The following PDS5A variants were observed in gnomAD, a reference collection of about 807,000 sequenced individuals.
The protein encoded by PDS5A is sister chromatid cohesion protein PDS5 homolog A.
PDS5A carries 42 observed loss-of-function variants against 167.1 expected under a neutral mutation model. The observed-to-expected ratio is 0.25, with a 90% CI of 0.20 to 0.33. The LOEUF (loss-of-function observed/expected upper bound fraction) is 0.33, where lower values mean the gene tolerates loss of function less well. Ranked by LOEUF, PDS5A falls within the 10% of genes least tolerant of loss-of-function variation. The pLI is 1.00. For synonymous variants in PDS5A, 553 were observed against 554.6 expected, an observed-to-expected ratio of 1.00 and a Z score of 0.04; for missense variants, 1,033 against 1,605.9, an observed-to-expected ratio of 0.64 and a Z score of 6.10.
At chr4:39,967,338 T>C (rs1730070579) in intron 2 of PDS5A, among the ~76,000 whole-genome samples, 1 of 151,090 alleles carries the variant, frequency 6.6e-6, no homozygotes, top group African/African-American at 2.4e-5. Context: ...TTTCACTCTA[T>C]CCATCCCTCC....
rs1291861212 is a variant in PDS5A, at chr4:39,926,757, A to T, written c.429+18T>A. 7.7e-7 allele frequency: 1 copy of T among 1,291,094 alleles called. No homozygotes were observed. The highest frequency in any genetic ancestry group is 1.0e-6 in the Non-Finnish European group (1 of 970,468). 80.0% of individuals were successfully genotyped at this position (1,291,094 alleles called of 1,614,324 possible). A position where few individuals can be genotyped will look rare whatever the true frequency, so the allele number is the denominator to read the frequency against. On this transcript the variant is annotated intron_variant, in intron 4 of 32. Transcript: ENST00000303538. ...TGTGAAATAATGTTAATAGTTATTA[A>T]AGTTTTTTTTTTTTTACCTCTAATA...
intron 2 of PDS5A, among the ~76,000 whole-genome samples, chr4:39,953,207 A>G (rs902255515): frequency 1.3e-5 from 2 of 152,206 alleles, no homozygotes; most frequent in African/African-American, 4.8e-5. Context: ...CAACCGCTCC[A>G]CTACAGTGAA....
intron 2 of PDS5A, among the ~76,000 whole-genome samples, chr4:39,964,441 T>C (rs1353053032): frequency 1.3e-5 from 2 of 152,206 alleles, no homozygotes; most frequent in African/African-American, 4.8e-5. Context: ...CAGAGGCTTA[T>C]GCCTATAATC....
chr4:39,875,140 T>G (rs932356262), intron 19 of PDS5A, among the ~76,000 whole-genome samples: 13 of 152,090 alleles, frequency 8.5e-5, no homozygotes, highest in Non-Finnish European at 1.8e-4. Context: ...ACACTGACAA[T>G]GAAGAGTAAA....
chr4:39,890,020 C>T (rs923103834), intron 17 of PDS5A, among the ~76,000 whole-genome samples: 7 of 152,126 alleles, frequency 4.6e-5, no homozygotes, highest in Admixed American at 2.0e-4. Flanking sequence ...AATGAGAACG[C>T]ATAAGCTAAA....
intron 16 of PDS5A, among the ~76,000 whole-genome samples, chr4:39,897,447 G>C (rs1042143991): frequency 6.6e-6 from 1 of 152,066 alleles, no homozygotes; most frequent in African/African-American, 2.4e-5. Context: ...CACTCAGGCT[G>C]GTGTGCAGTG....
chr4:39,931,533 C>T (rs865826328), intron 2 of PDS5A, among the ~76,000 whole-genome samples: 9 of 152,098 alleles, frequency 5.9e-5, no homozygotes, highest in Admixed American at 2.6e-4. Context: ...CTCATTCTTA[C>T]GGTTCTAAGT....
chr4:39,905,423 T>C (rs1456486456), intron 11 of PDS5A, among the ~76,000 whole-genome samples: 1 of 152,126 alleles, frequency 6.6e-6, no homozygotes, highest in Non-Finnish European at 1.5e-5. Flanking sequence ...CCGGGCATGG[T>C]GGCACGCACC....
intron 2 of PDS5A, chr4:39,936,863 AAAAG>A (rs1726667595): frequency 6.6e-6 from 1 of 152,260 alleles, no homozygotes; most frequent in Non-Finnish European, 1.5e-5. Context: ...GCTAGAAGGA[AAAAG>A]AAAGAAACAG....
At chr4:39,829,641 C>T (rs1715635074) in intron 32 of PDS5A, among the ~76,000 whole-genome samples, 1 of 142,134 alleles carries the variant, frequency 7.0e-6, no homozygotes. Flanking sequence ...AGTGAGACTT[C>T]ATCTCCACAA....
chr4:39,969,413 T>A (rs943229127), intron 2 of PDS5A, among the ~76,000 whole-genome samples: 1 of 152,090 alleles, frequency 6.6e-6, no homozygotes, highest in Non-Finnish European at 1.5e-5. Flanking sequence ...CACGCCCTAA[T>A]CCCAGCACTT....
chr4:39,888,860 A>T (rs1325147739), intron 17 of PDS5A, among the ~76,000 whole-genome samples: 1 of 152,224 alleles, frequency 6.6e-6, no homozygotes, highest in Non-Finnish European at 1.5e-5. Context: ...AGAGATCGGT[A>T]GAGTGACTAC....
chr4:39,839,877 C>T (rs772583373), intron 31 of PDS5A, among the ~76,000 whole-genome samples: 3 of 151,582 alleles, frequency 2.0e-5, no homozygotes, highest in Non-Finnish European at 2.9e-5. Context: ...GGGCGAATCA[C>T]GAGGTCAGGA....
chr4:39,945,458 CAAAAAA>C (rs1210256217), intron 2 of PDS5A, among the ~76,000 whole-genome samples: 7 of 66,838 alleles, frequency 1.0e-4, no homozygotes, highest in Non-Finnish European at 1.8e-4. Context: ...GAGACTGCCT[CAAAAAA>C]AAAAAAAAAA....
chr4:39,832,274 T>A (rs1370098338), intron 32 of PDS5A, among the ~76,000 whole-genome samples: 1 of 151,684 alleles, frequency 6.6e-6, no homozygotes, highest in East Asian at 2.0e-4. Flanking sequence ...AGTGCAGTGG[T>A]GTGATCTCTG....
chr4:39,962,395 A>G (rs1729571542), intron 2 of PDS5A, among the ~76,000 whole-genome samples: 1 of 152,062 alleles, frequency 6.6e-6, no homozygotes, highest in South Asian at 2.1e-4. Context: ...TTCTTACCCC[A>G]CTGAACCTCA....
At chr4:39,884,482 GA>G (rs2109602461) in intron 17 of PDS5A, among the ~76,000 whole-genome samples, 1 of 152,280 alleles carries the variant, frequency 6.6e-6, no homozygotes, top group Non-Finnish European at 1.5e-5. Flanking sequence ...TGTTGGAAAG[GA>G]CTGTCCTATG....
rs903325679 is a variant in PDS5A, at chr4:39,898,521, C to T, written c.1638G>A (p.Leu546=). The T allele has an allele frequency of 2.2e-5, 34 of 1,538,320 alleles. No homozygotes were observed. The highest frequency in any genetic ancestry group is 1.9e-4 in the African/African-American group (13 of 70,250). The part of the protein sequence containing the change: ...FGKLMTIAKN[L]PDPGKAQDFV... ...AATCTTGTGCTTTCCCGGGGTCAGG[C>T]AAATTCTCTATAAAATTAAAAGAGA... Residue 546 remains leucine, a synonymous_variant, in exon 16 of 33, where the codon TTG becomes TTA. Transcript: ENST00000303538.
intron 23 of PDS5A, 62 bp downstream of exon 23, chr4:39,866,799 T>C (rs1441634305): frequency 6.9e-7 from 1 of 1,452,942 alleles, no homozygotes; most frequent in African/African-American, 1.4e-5. Flanking sequence ...GGTAAATAAT[T>C]CCTATGTAAA....
Sources: gnomAD v4.1 joint callset for allele counts (sites outside exome capture counted in the v4.1 genomes callset) on GRCh38, gnomAD v4.1.1 for gene constraint, MANE v1.5 for transcripts, NCBI Gene and HGNC (gene_info 2026-07-23, HGNC 2026-07-21) for gene names.